Variants in DNAH9 observed in about 807,000 individuals in gnomAD.
DNAH9 encodes the protein dynein axonemal heavy chain 9, also known as DNAH9 variant protein.
Under a neutral mutation model 471.6 loss-of-function variants are expected in DNAH9, and 345 were observed. The observed-to-expected ratio is 0.73, with a 90% CI of 0.67 to 0.80. The LOEUF (loss-of-function observed/expected upper bound fraction) is 0.80. DNAH9 is among the 30% of genes least tolerant of loss of function. DNAH9 has a pLI of 0.00. For synonymous variants in DNAH9, 2,093 were observed against 2,123.6 expected (o/e 0.99, Z 0.40); for missense variants, 5,407 against 5,609.2 (o/e 0.96, Z 1.15).
At chr17:11,813,490 T>A (rs1378632124) in intron 45 of DNAH9, among the ~76,000 whole-genome samples, 1 of 152,126 alleles carries the variant, frequency 6.6e-6, no homozygotes, top group Non-Finnish European at 1.5e-5. Flanking sequence ...CTTTGTGGGG[T>A]TATGCAATGA....
At chr17:11,770,332 G>A (rs56310827) in intron 38 of DNAH9, among the ~76,000 whole-genome samples, 2,362 of 152,272 alleles carry the variant, frequency 0.016, 55 homozygotes, top group African/African-American at 0.054. Flanking sequence ...GAGTCAGCCC[G>A]CGATGTTGCC....
Position 11,610,512 on chromosome 17 carries a change from AG to A in DNAH9, c.732del (p.Asn245IlefsTer18). ...RESSQPLLQG[E>X]NPTPKVELEF... ...TCTTCCCAGCCACTCTTACAAGGGG[AG>A]AATCCCACCCCTAAGGTGGAGTTGG... is the stretch of plus-strand genomic sequence containing the variant. On this transcript the variant is annotated frameshift_variant, in exon 3 of 69. Coordinates refer to ENST00000262442, the MANE Select transcript of DNAH9 (RefSeq NM_001372.4). LOFTEE classifies it high-confidence loss of function. The A allele has an allele frequency of 6.2e-7, 1 of 1,613,200 alleles. No homozygotes were observed. Among genetic ancestry groups the A allele is most frequent in the Non-Finnish European group, 8.5e-7 (1 of 1,179,926 alleles).
Position 11,866,049 on chromosome 17 carries a change from A to G in DNAH9, c.9934-3085A>G, listed in dbSNP as rs577231956. 3.5e-4 allele frequency among the ~76,000 whole-genome samples: 53 copies of G among 152,178 alleles called. 1 individual carries two copies. In the East Asian group the frequency reaches 8.7e-3, roughly 25 times the overall value. On this transcript the variant is annotated intron_variant, in intron 50 of 68. Coordinates refer to ENST00000262442, the MANE Select transcript of DNAH9 (RefSeq NM_001372.4). Reference sequence around the variant, plus strand: ...GTCATTCTCCGTCCAGCTTTGTTCTATTGCTGGTGAGGAACTGTGATCCTT... The same window carrying G: ...GTCATTCTCCGTCCAGCTTTGTTCTGTTGCTGGTGAGGAACTGTGATCCTT...
chr17:11,885,183 T>TTACA (rs1972842527), intron 56 of DNAH9, among the ~76,000 whole-genome samples: 1 of 152,102 alleles, frequency 6.6e-6, no homozygotes, highest in Admixed American at 6.5e-5. Context: ...GAAAGACAAG[T>TTACA]AAACAGGCAG....
At position 11,619,618 on chromosome 17, in the gene DNAH9, T is replaced by C. The variant is rs1430958227; in HGVS notation, c.1187T>C (p.Val396Ala). Residue 396 changes from valine to alanine, a missense_variant, in exon 6 of 69, where the codon GTG (valine) becomes GCG (alanine). Coordinates refer to ENST00000262442, the MANE Select transcript of DNAH9 (RefSeq NM_001372.4). ...EVEESQRKLQ[V>A]VSDTLSFFKQ... ...GAAGAAAGTCAGAGAAAACTGCAAG[T>C]GGTCTCAGACACTTTGAGCTTCTTC... 2 of 1,614,044 alleles carry C rather than the reference T, an allele frequency of 1.2e-6. No homozygotes were observed. Among genetic ancestry groups the C allele is most frequent in the Non-Finnish European group, 1.7e-6 (2 of 1,179,992 alleles).
At chr17:11,629,139 G>A (rs1000405729) in intron 6 of DNAH9, among the ~76,000 whole-genome samples, 2 of 149,008 alleles carry the variant, frequency 1.3e-5, no homozygotes, top group Non-Finnish European at 3.0e-5. Context: ...GGGTACATGT[G>A]CACAACGTGC....
Position 11,957,953 on chromosome 17 carries a change from T to C in DNAH9, c.12844-3914T>C, listed in dbSNP as rs551782263. On this transcript the variant is annotated intron_variant, in intron 67 of 68. Transcript: ENST00000262442. ...GTAAGTTTAATTTTTTAAATCACCA[T>C]ACAAAACCTGCAGATGTTTATAACA... Among the ~76,000 whole-genome samples the C allele has an allele frequency of 2.3e-4, 35 of 152,292 alleles. No homozygotes were observed. The South Asian group carries it at 7.0e-3, about 31-fold the overall frequency.
At position 11,719,600 on chromosome 17, in the gene DNAH9, C is replaced by T. The variant is rs548582846; in HGVS notation, c.5709+110C>T. On this transcript the variant is annotated intron_variant, in intron 27 of 68. Transcript: ENST00000262442. Reference sequence around the variant, plus strand: ...ACCCTGACCCAGCTTCCCCAGGTCTCGGAGCCCAGATCAGGAGGTCTCAGT... The same window carrying T: ...ACCCTGACCCAGCTTCCCCAGGTCTTGGAGCCCAGATCAGGAGGTCTCAGT... 3.1e-5 allele frequency: 33 copies of T among 1,057,248 alleles called. No homozygotes were observed. The East Asian group carries it at 4.4e-4, about 14-fold the overall frequency. The allele number at this position is 1,057,248 out of a possible 1,614,324, so 65.5% of individuals were successfully genotyped here.
intron 14 of DNAH9, among the ~76,000 whole-genome samples, chr17:11,661,900 C>G (rs2073772218): frequency 6.6e-6 from 1 of 152,076 alleles, no homozygotes; most frequent in Admixed American, 6.5e-5. Flanking sequence ...TACTCATCAT[C>G]TTCAGGCTTG....
intron 44 of DNAH9, among the ~76,000 whole-genome samples, chr17:11,809,085 T>G (rs961082818): frequency 2.0e-5 from 3 of 152,160 alleles, no homozygotes; most frequent in African/African-American, 7.2e-5. Flanking sequence ...GGGAGGTTGA[T>G]ACACCAAAGG....
intron 62 of DNAH9, among the ~76,000 whole-genome samples, chr17:11,925,859 C>T (rs1051240113): frequency 2.6e-5 from 4 of 152,014 alleles, no homozygotes; most frequent in South Asian, 2.1e-4. Context: ...ATTGAATAGA[C>T]GTAATCTGTC....
intron 52 of DNAH9, among the ~76,000 whole-genome samples, chr17:11,874,302 G>A (rs912424338): frequency 1.3e-5 from 2 of 150,782 alleles, no homozygotes; most frequent in Admixed American, 1.3e-4. Flanking sequence ...AGAAAAGGCA[G>A]TGTCTAGGGC....
chr17:11,631,795 T>C (rs1363665607), intron 7 of DNAH9, among the ~76,000 whole-genome samples: 2 of 152,136 alleles, frequency 1.3e-5, no homozygotes, highest in African/African-American at 2.4e-5. Flanking sequence ...GTTTGGGAAG[T>C]AGAACTAGAC....
Position 11,822,057 on chromosome 17 carries a change from C to A in DNAH9, c.8845C>A (p.Leu2949Met). ...CTTTATAGATCGGATCCGGCGACAG[C>A]TGAAGGTAAAGAGCATTTACTGACA... Reference protein sequence around the residue: ...KFFIDRIRRQLKVTLCFSPVG... With the variant: ...KFFIDRIRRQMKVTLCFSPVG... Residue 2949 changes from leucine (L) to methionine (M), a missense_variant, in exon 46 of 69, where the codon CTG becomes ATG. By Grantham distance (15) the Leu-to-Met change is conservative. Around this residue, in one of 3 missense-constraint regions of DNAH9, gnomAD observed 4,636 missense variants for 4,900.3 expected, o/e 0.95. Coordinates refer to ENST00000262442, the MANE Select transcript of DNAH9 (RefSeq NM_001372.4). 1 of 1,611,462 alleles carries A rather than the reference C, an allele frequency of 6.2e-7. No homozygotes were observed. The highest frequency in any genetic ancestry group is 1.3e-5 in the African/African-American group (1 of 74,884).
At position 11,928,091 on chromosome 17, in the gene DNAH9, C is replaced by CTTTATTTA. The variant is rs140957199; in HGVS notation, c.11878-1748_11878-1741dup. Among the ~76,000 whole-genome samples, 1,217 of 148,684 alleles carry CTTTATTTA rather than the reference C, an allele frequency of 8.2e-3. 10 individuals carry two copies. Among genetic ancestry groups the CTTTATTTA allele is most frequent in the Middle Eastern group, 0.017 (5 of 288 alleles). ...ATAGCATTTTACAGTATACAAAATC[C>CTTTATTTA]TTTATTTATTTATTTATTTATTTAT... On this transcript the variant is annotated intron_variant, in intron 62 of 68. Transcript: ENST00000262442.
intron 41 of DNAH9, among the ~76,000 whole-genome samples, chr17:11,786,633 G>A (rs1281819210): frequency 2.6e-5 from 4 of 152,210 alleles, no homozygotes; most frequent in African/African-American, 4.8e-5. Context: ...TCTCTTGAGC[G>A]TGACTGCATG....
chr17:11,767,702 G>A (rs1968014880), intron 36 of DNAH9, among the ~76,000 whole-genome samples: 1 of 151,510 alleles, frequency 6.6e-6, no homozygotes, highest in Non-Finnish European at 1.5e-5. Context: ...GGGTCTGAGT[G>A]TGTGTGTGTG....
chr17:11,935,461 C>T (rs936607025), intron 65 of DNAH9, among the ~76,000 whole-genome samples: 2 of 151,458 alleles, frequency 1.3e-5, no homozygotes, highest in African/African-American at 2.4e-5. Flanking sequence ...CTGCAACCTC[C>T]GCCTCCCTGG....
intron 30 of DNAH9, among the ~76,000 whole-genome samples, chr17:11,742,698 G>T (rs1217516502): frequency 6.6e-6 from 1 of 152,172 alleles, no homozygotes; most frequent in African/African-American, 2.4e-5. Context: ...TCTCATAGTT[G>T]CTTGGCGTTA....
Sources: gnomAD v4.1 joint callset for allele counts (sites outside exome capture counted in the v4.1 genomes callset) on GRCh38, gnomAD v4.1.1 for gene constraint, gnomAD v4.1.1 regional missense constraint, MANE v1.5 for transcripts, NCBI Gene and HGNC (gene_info 2026-07-23, HGNC 2026-07-21) for gene names.